PIEZO2: variants seen among roughly 807,000 people sequenced by gnomAD.
The protein encoded by PIEZO2 is piezo-type mechanosensitive ion channel component 2.
A neutral mutation model predicts 337.3 loss-of-function variants in PIEZO2; 172 were observed. The ratio of observed to expected loss-of-function variants is 0.51; its 90% CI spans 0.45 to 0.58. The LOEUF (loss-of-function observed/expected upper bound fraction) is 0.58, where lower values mean the gene tolerates loss of function less well. Among genes scored for constraint, PIEZO2 ranks in the 20% least tolerant of loss-of-function variants. The pLI, the probability that PIEZO2 is intolerant of heterozygous loss-of-function variation, is 0.00. For synonymous variants in PIEZO2, 1,251 were observed against 1,228.5 expected, an observed-to-expected ratio of 1.02 and a Z score of -0.38; for missense variants, 3,028 against 3,391.3, an observed-to-expected ratio of 0.89 and a Z score of 2.66.
chr18:11,025,668 C>CTGAA (rs1398111975), intron 2 of PIEZO2, among the ~76,000 whole-genome samples: 1 of 152,144 alleles, frequency 6.6e-6, no homozygotes, highest in Non-Finnish European at 1.5e-5. Flanking sequence ...CAGACATTTC[C>CTGAA]TGAATGTTCA....
rs943720154 is a variant in PIEZO2 at position 10,952,855 on chromosome 18, G to T, written c.286+26680C>A. 6.6e-6 allele frequency among the ~76,000 whole-genome samples: 1 copy of T among 150,676 alleles called. No individual in the cohort carries two copies. The highest frequency in any genetic ancestry group is 1.9e-4 in the East Asian group (1 of 5,136). On this transcript the variant is annotated intron_variant, in intron 3 of 55. Coordinates refer to ENST00000674853, the MANE Select transcript of PIEZO2 (RefSeq NM_001378183.1). This position sits in a 1 kb window ranked among gnomAD's most constrained non-coding sequence, Gnocchi z 4.1. ...ACATCTCCATATTTCCTCAGCATTT[G>T]GAATGCCTTCCCTTCCTTCCTTCCT... is the stretch of plus-strand genomic sequence containing the variant.
chr18:10,935,268 G>C (rs1044762791), intron 3 of PIEZO2, among the ~76,000 whole-genome samples: 3 of 152,260 alleles, frequency 2.0e-5, no homozygotes, highest in Middle Eastern at 3.4e-3. Flanking sequence ...TGAATAGAAA[G>C]ATTTGCTTGC....
intron 3 of PIEZO2, among the ~76,000 whole-genome samples, chr18:10,957,608 G>T (rs1461631489): frequency 6.6e-6 from 1 of 152,096 alleles, no homozygotes; most frequent in Non-Finnish European, 1.5e-5. Context: ...AGTCTGTGTA[G>T]TGATTTCTTG....
In PIEZO2 at chr18:10,718,231, A is replaced by G. The variant is rs780311210; in HGVS notation, c.5058T>C (p.Asp1686=). Residue 1686 remains aspartate (D), a synonymous_variant, in exon 37 of 56, where the codon GAT becomes GAC. Coordinates refer to ENST00000674853, the MANE Select transcript of PIEZO2 (RefSeq NM_001378183.1). ...CATCGGATTTCTTTTTGATTGGTTCATCCTCCCGGTCTTCCCATTCCACAG... is the reference window on the plus strand; with the variant it reads ...CATCGGATTTCTTTTTGATTGGTTCGTCCTCCCGGTCTTCCCATTCCACAG... The part of the protein sequence containing the change: ...EGPVEWEDRE[D]EPIKKKSDGP... 4.6e-6 allele frequency: 7 copies of G among 1,536,924 alleles called. No individual in the cohort carries two copies. The Admixed American group carries it at 9.8e-5, about 22-fold the overall frequency.
intron 16 of PIEZO2, among the ~76,000 whole-genome samples, chr18:10,785,617 G>A (rs1316949213): frequency 2.0e-5 from 3 of 151,980 alleles, no homozygotes; most frequent in Admixed American, 6.6e-5. Context: ...TCTACCCTGC[G>A]CAAACTGAGA....
At chr18:10,717,511 G>A (rs2036061183) in intron 37 of PIEZO2, among the ~76,000 whole-genome samples, 1 of 152,240 alleles carries the variant, frequency 6.6e-6, no homozygotes. Context: ...CCGCATAGGC[G>A]CTCCAAAGCA....
In PIEZO2 at chr18:10,770,277, G is replaced by T. The variant is rs1477156572; in HGVS notation, c.2817C>A (p.Asp939Glu). The part of the protein sequence containing the change: ...DLRNKWHLVI[D>E]RLTVLFLKFL... ...ATTTTAAGAAGAGCACAGTGAGGCG[G>T]TCAATCACCAGGTGCCATTTGTTCC... The change falls in exon 21 of 56, where the codon GAC becomes GAA. Residue 939 changes from aspartate to glutamate, a missense_variant. Coordinates refer to ENST00000674853, the MANE Select transcript of PIEZO2 (RefSeq NM_001378183.1). 7 of 1,537,642 alleles carry T rather than the reference G, an allele frequency of 4.6e-6. No homozygotes were observed. The highest frequency in any genetic ancestry group is 6.1e-6 in the Non-Finnish European group (7 of 1,146,934).
At chr18:10,841,512 T>C (rs1180075040) in intron 7 of PIEZO2, among the ~76,000 whole-genome samples, 1 of 152,070 alleles carries the variant, frequency 6.6e-6, no homozygotes, top group African/African-American at 2.4e-5. Flanking sequence ...AGCAGAAAAT[T>C]TGGAGGCCAG....
rs1482756354 is a variant in PIEZO2, at chr18:11,143,777, C to T, written c.64+4748G>A. Among the ~76,000 whole-genome samples, 1 of 152,066 alleles carries T rather than the reference C, an allele frequency of 6.6e-6. No individual in the cohort carries two copies. Among genetic ancestry groups the T allele is most frequent in the Non-Finnish European group, 1.5e-5 (1 of 67,992 alleles). Reference sequence around the variant, plus strand: ...TTCTCCTGGCCCATGCTCTTACCTCCTAGTCTGTTAATTTTGACTGAGACA... The same window carrying T: ...TTCTCCTGGCCCATGCTCTTACCTCTTAGTCTGTTAATTTTGACTGAGACA... On this transcript the variant is annotated intron_variant, in intron 1 of 55. Transcript: ENST00000674853. This position sits in a 1 kb window ranked among gnomAD's most constrained non-coding sequence, Gnocchi z 4.9.
At chr18:10,968,869 A>T (rs2034121231) in intron 3 of PIEZO2, among the ~76,000 whole-genome samples, 1 of 152,246 alleles carries the variant, frequency 6.6e-6, no homozygotes, top group South Asian at 2.1e-4. Flanking sequence ...CATAAATTAT[A>T]TTAGCAACTG....
Position 10,699,043 on chromosome 18 carries a change from A to C in PIEZO2, c.6576T>G (p.Ser2192=). The C allele has an allele frequency of 1.3e-6, 2 of 1,537,180 alleles. No individual in the cohort carries two copies. Among genetic ancestry groups the C allele is most frequent in the Non-Finnish European group, 1.7e-6 (2 of 1,146,908 alleles). ...DSLKSINLAA[S]VESVHVTFPE... ...GGAAGGTCACATGCACTGACTCCACAGACGCGGCCAGGTTGATGGACTTGA... is the reference window on the plus strand; with the variant it reads ...GGAAGGTCACATGCACTGACTCCACCGACGCGGCCAGGTTGATGGACTTGA... Residue 2192 remains serine (S), a synonymous_variant, in exon 44 of 56, where the codon TCT becomes TCG. Coordinates refer to ENST00000674853, the MANE Select transcript of PIEZO2 (RefSeq NM_001378183.1).
In PIEZO2 at chr18:11,046,594, G is replaced by A. The variant is rs78568093; in HGVS notation, c.160+19533C>T. The stretch of plus-strand genomic sequence containing the variant: ...TACCTGGCAGGTGCTCCTTTGCGCC[G>A]TGGCTCCGCTGGGTGCTCGCTCAGG... On this transcript the variant is annotated intron_variant, in intron 2 of 55. Coordinates refer to ENST00000674853, the MANE Select transcript of PIEZO2 (RefSeq NM_001378183.1). Among the ~76,000 whole-genome samples the A allele has an allele frequency of 2.9e-3, 446 of 152,368 alleles. 2 individuals are homozygous for A. Among genetic ancestry groups the A allele is most frequent in the African/African-American group, 0.01 (421 of 41,590 alleles).
intron 1 of PIEZO2, among the ~76,000 whole-genome samples, chr18:11,141,963 A>G (rs561446648): frequency 6.6e-6 from 1 of 152,274 alleles, no homozygotes; most frequent in East Asian, 1.9e-4. Context: ...TCCCTTTTTT[A>G]TAAAATATAT....
At chr18:10,709,139 G>C (rs559127617) in intron 39 of PIEZO2, 1 of 152,338 alleles carries the variant, frequency 6.6e-6, no homozygotes, top group Admixed American at 6.5e-5. Flanking sequence ...CATTTTGTCT[G>C]TTAACTTTTC....
intron 3 of PIEZO2, among the ~76,000 whole-genome samples, chr18:10,938,662 GA>G (rs527799479): frequency 6.6e-6 from 1 of 152,022 alleles, no homozygotes; most frequent in African/African-American, 2.4e-5. Context: ...TTCATGACCA[GA>G]AAAAAAGGAG....
rs560989079 is a variant in PIEZO2 at position 10,713,162 on chromosome 18, A to G, written c.5423+1602T>C. Among the ~76,000 whole-genome samples, 55 of 152,280 alleles carry G rather than the reference A, an allele frequency of 3.6e-4. No homozygotes were observed. Among genetic ancestry groups the G allele is most frequent in the African/African-American group, 1.3e-3 (55 of 41,552 alleles). On this transcript the variant is annotated intron_variant, in intron 39 of 55. Coordinates refer to ENST00000674853, the MANE Select transcript of PIEZO2 (RefSeq NM_001378183.1). The surrounding 1 kb of genome is among the most constrained non-coding windows in gnomAD (Gnocchi z 4.5). Reference sequence around the variant, plus strand: ...TTAGGCTTAGCATACATCTTATTTTAAAACTTGGATTTTTACTAAATATAT... The same window carrying G: ...TTAGGCTTAGCATACATCTTATTTTGAAACTTGGATTTTTACTAAATATAT...
At chr18:11,063,992 GC>G (rs1468612515) in intron 2 of PIEZO2, among the ~76,000 whole-genome samples, 1 of 151,654 alleles carries the variant, frequency 6.6e-6, no homozygotes, top group African/African-American at 2.4e-5. Flanking sequence ...ATTGTCTTGG[GC>G]CACACATAAC....
rs1169125465 is a variant in PIEZO2, at chr18:10,878,764, A to G, written c.330-7349T>C. On this transcript the variant is annotated intron_variant, in intron 4 of 55. Coordinates refer to ENST00000674853, the MANE Select transcript of PIEZO2 (RefSeq NM_001378183.1). This position sits in a 1 kb window ranked among gnomAD's most constrained non-coding sequence, Gnocchi z 4.3. Reference sequence around the variant, plus strand: ...GAAACACAGGGTAAGGTCAGACCATACAAAGCTTGGATGTTTTGAAAAAAA... The same window carrying G: ...GAAACACAGGGTAAGGTCAGACCATGCAAAGCTTGGATGTTTTGAAAAAAA... Among the ~76,000 whole-genome samples the G allele has an allele frequency of 6.6e-6, 1 of 150,510 alleles. No homozygotes were observed. The highest frequency in any genetic ancestry group is 2.5e-5 in the African/African-American group (1 of 39,954).
intron 1 of PIEZO2, among the ~76,000 whole-genome samples, chr18:11,147,813 C>T (rs1309849176): frequency 6.6e-6 from 1 of 152,264 alleles, no homozygotes; most frequent in Non-Finnish European, 1.5e-5. Context: ...AGGAGGCTCC[C>T]TTGCGGTCCT....
Sources: gnomAD v4.1 joint callset for allele counts (sites outside exome capture counted in the v4.1 genomes callset) on GRCh38, gnomAD v4.1.1 for gene constraint, Gnocchi (gnomAD v3.1) non-coding constraint, MANE v1.5 for transcripts, NCBI Gene and HGNC (gene_info 2026-07-23, HGNC 2026-07-21) for gene names.